Variants in TUT7 observed in about 807,000 individuals in gnomAD.
TUT7 encodes terminal uridylyltransferase 7.
TUT7 carries 33 observed loss-of-function variants against 165.9 expected under a neutral mutation model. The observed-to-expected ratio is 0.20, with a 90% confidence interval of 0.15 to 0.27. The LOEUF is 0.27. Ranked by LOEUF, TUT7 falls within the 10% of genes least tolerant of loss-of-function variation. The probability of loss-of-function intolerance (pLI) is 1.00; values close to 1 mark genes in which losing one functional copy is unlikely to be tolerated. For missense variants in TUT7, 1,338 were observed against 1,762.3 expected (o/e 0.76, Z 4.31); for synonymous variants, 552 against 608.1 (o/e 0.91, Z 1.36).
intron 5 of TUT7, 98 bp downstream of exon 5, chr9:86,344,879 T>G: frequency 8.6e-7 from 1 of 1,165,670 alleles, no homozygotes; most frequent in Non-Finnish European, 1.2e-6. Context: ...CTTCATGACA[T>G]GGTAAATAAA....
At chr9:86,303,938 A>G (rs1406783351) in intron 24 of TUT7, among the ~76,000 whole-genome samples, 1 of 152,238 alleles carries the variant, frequency 6.6e-6, no homozygotes, top group Non-Finnish European at 1.5e-5. Flanking sequence ...CCTATAAAGC[A>G]ATACACTTAC....
At chr9:86,349,273 C>G (rs1186068316) in intron 2 of TUT7, among the ~76,000 whole-genome samples, 1 of 151,218 alleles carries the variant, frequency 6.6e-6, no homozygotes, top group Non-Finnish European at 1.5e-5. Flanking sequence ...GAGTGAAACT[C>G]CATCTCAAAA....
At chr9:86,333,061 T>C (rs372528147) in intron 10 of TUT7, among the ~76,000 whole-genome samples, 3 of 152,262 alleles carry the variant, frequency 2.0e-5, no homozygotes, top group African/African-American at 4.8e-5. Flanking sequence ...AATTCTGGAT[T>C]GCATTTTAGA....
intron 26 of TUT7, among the ~76,000 whole-genome samples, chr9:86,297,247 G>A (rs1012828314): frequency 2.6e-5 from 4 of 152,088 alleles, no homozygotes; most frequent in Non-Finnish European, 5.9e-5. Flanking sequence ...TCACCACCAC[G>A]AACCTTTTCC....
chr9:86,353,433 T>A (rs1006606236), intron 1 of TUT7, among the ~76,000 whole-genome samples: 1 of 152,194 alleles, frequency 6.6e-6, no homozygotes, highest in Non-Finnish European at 1.5e-5. Context: ...ATATTCTTCA[T>A]GAAAATTAAT....
At chr9:86,304,485 G>C (rs1305451045) in intron 24 of TUT7, among the ~76,000 whole-genome samples, 1 of 152,108 alleles carries the variant, frequency 6.6e-6, no homozygotes, top group Non-Finnish European at 1.5e-5. Context: ...TTTGCAAGCA[G>C]ATTGGAAAAT....
intron 26 of TUT7, among the ~76,000 whole-genome samples, chr9:86,295,721 T>C (rs547672338): frequency 2.4e-4 from 37 of 152,064 alleles, no homozygotes; most frequent in Admixed American, 4.6e-4. Context: ...TGGTCAATGA[T>C]AAAAGCTGTA....
At chr9:86,303,733 A>G (rs1021290795) in intron 24 of TUT7, among the ~76,000 whole-genome samples, 2 of 152,240 alleles carry the variant, frequency 1.3e-5, no homozygotes, top group African/African-American at 4.8e-5. Context: ...GGTGGAGGCC[A>G]GCAACATGAG....
In TUT7 at chr9:86,308,402, C is replaced by A. The variant is rs753610149; in HGVS notation, c.3838+27G>T. 3.8e-6 allele frequency: 6 copies of A among 1,591,532 alleles called. 1 individual carries two copies. The South Asian group carries it at 6.8e-5, about 18-fold the overall frequency. The stretch of plus-strand genomic sequence containing the variant: ...TATAGTTCAAGCTCTATAGTCTATT[C>A]GACTTCAAGTTTAATTTTATTCGTA... On this transcript the variant is annotated intron_variant, in intron 22 of 26. Transcript: ENST00000375963.
intron 22 of TUT7, 29 bp downstream of exon 22, chr9:86,308,400 T>C (rs372121584): frequency 6.3e-7 from 1 of 1,589,594 alleles, no homozygotes; most frequent in African/African-American, 1.3e-5. Context: ...CTATAGTCTA[T>C]TCGACTTCAA....
chr9:86,292,356 C>T (rs1236168247), intron 26 of TUT7, among the ~76,000 whole-genome samples: 1 of 151,896 alleles, frequency 6.6e-6, no homozygotes, highest in Non-Finnish European at 1.5e-5. Flanking sequence ...GTAATCCCAG[C>T]TACTTGGGAG....
intron 7 of TUT7, 115 bp from the exon 8 acceptor site, chr9:86,340,220 C>A: frequency 1.2e-6 from 1 of 819,954 alleles, no homozygotes; most frequent in East Asian, 2.5e-5. Context: ...TTTGAAAGAC[C>A]ACTACTAAAT....
chr9:86,319,721 T>C (rs542414324), intron 14 of TUT7, 51 bp from the exon 15 acceptor site: 1 of 1,208,626 alleles, frequency 8.3e-7, no homozygotes, highest in East Asian at 2.5e-5. Context: ...TTGACACTCT[T>C]AGAAAAAGCT....
Position 86,337,480 on chromosome 9 carries a change from A to G in TUT7, c.1394T>C (p.Met465Thr). 2 of 1,614,018 alleles carry G rather than the reference A, an allele frequency of 1.2e-6. No individual in the cohort carries two copies. Among genetic ancestry groups the G allele is most frequent in the Non-Finnish European group, 1.7e-6 (2 of 1,179,894 alleles). ...GGLPPYVFAL[M>T]AIFFLQQRKE... ...CCTCTGCTGAAGAAAGAAAATGGCC[A>G]TCAGGGCAAACACATAAGGTGGCAG... is the stretch of plus-strand genomic sequence containing the variant. The change falls in exon 10 of 27, where the codon ATG (methionine) becomes ACG (threonine). Residue 465 changes from methionine (M) to threonine (T), a missense_variant. Coordinates refer to ENST00000375963, the MANE Select transcript of TUT7 (RefSeq NM_024617.4).
chr9:86,305,068 G>A (rs1827335088), intron 23 of TUT7, 121 bp from the exon 24 acceptor site: 3 of 1,188,744 alleles, frequency 2.5e-6, no homozygotes, highest in South Asian at 2.8e-5. Context: ...GGCTGGGGTA[G>A]GTGGATCACT....
At chr9:86,327,489 C>A (rs985187887) in intron 11 of TUT7, among the ~76,000 whole-genome samples, 11 of 152,190 alleles carry the variant, frequency 7.2e-5, no homozygotes, top group African/African-American at 2.4e-4. Context: ...TGCCCAAGGA[C>A]ACACAGCTGG....
Position 86,311,154 on chromosome 9 carries a change from C to G in TUT7, c.3275-345G>C, listed in dbSNP as rs768967958. 6.6e-6 allele frequency among the ~76,000 whole-genome samples: 1 copy of G among 152,200 alleles called. No homozygotes were observed. Among genetic ancestry groups the G allele is most frequent in the Non-Finnish European group, 1.5e-5 (1 of 68,036 alleles). On this transcript the variant is annotated intron_variant, in intron 17 of 26. Coordinates refer to ENST00000375963, the MANE Select transcript of TUT7 (RefSeq NM_024617.4). The surrounding 1 kb of genome is among the most constrained non-coding windows in gnomAD (Gnocchi z 4.4). ...CAAACAGAGGAAACTACTATAGAGT[C>G]TGAACTATGTGGTTCCCACCTGTTC...
At chr9:86,305,952 GA>G (rs1272149157) in intron 22 of TUT7, among the ~76,000 whole-genome samples, 1 of 152,154 alleles carries the variant, frequency 6.6e-6, no homozygotes, top group Non-Finnish European at 1.5e-5. Context: ...TAGGAATGAT[GA>G]AAACAATGCT....
chr9:86,315,880 T>C (rs568294512), intron 17 of TUT7, among the ~76,000 whole-genome samples: 2 of 152,306 alleles, frequency 1.3e-5, no homozygotes, highest in African/African-American at 4.8e-5. Flanking sequence ...TAAGATTTTT[T>C]TTCCTCCTGT....
Sources: allele counts gnomAD v4.1 joint callset (sites outside exome capture counted in the v4.1 genomes callset), GRCh38; gene constraint gnomAD v4.1.1; non-coding constraint Gnocchi (gnomAD v3.1); transcripts MANE v1.5; gene names NCBI Gene and HGNC (gene_info 2026-07-23, HGNC 2026-07-21).